The following RYR3 variants were observed in gnomAD, a reference collection of about 807,000 sequenced individuals.
The protein encoded by RYR3 is brain ryanodine receptor-calcium release channel.
Under a neutral mutation model 584.3 loss-of-function variants are expected in RYR3, and 207 were observed. That is an observed-to-expected ratio of 0.35 (90% CI 0.32 to 0.40). The LOEUF (loss-of-function observed/expected upper bound fraction) is 0.40. Ranked by LOEUF, RYR3 falls within the 10% of genes least tolerant of loss-of-function variation. RYR3 has a pLI of 1.00. For missense variants in RYR3, 5,616 were observed against 6,089.2 expected, an observed-to-expected ratio of 0.92 and a Z score of 2.59; for synonymous variants, 2,416 against 2,248.5, an observed-to-expected ratio of 1.07 and a Z score of -2.11.
intron 9 of RYR3, among the ~76,000 whole-genome samples, chr15:33,549,783 A>G (rs148079939): frequency 7.2e-5 from 11 of 152,362 alleles, no homozygotes; most frequent in African/African-American, 2.6e-4. Flanking sequence ...GTTTTAGTTC[A>G]GATGGCAGGT....
chr15:33,833,396 G>A (rs182959653), intron 86 of RYR3, among the ~76,000 whole-genome samples: 1 of 152,284 alleles, frequency 6.6e-6, no homozygotes, highest in African/African-American at 2.4e-5. Context: ...AACTGGCACA[G>A]TCAGATCATA....
chr15:33,807,536 C>A lies in RYR3; in HGVS notation c.10012-19C>A, dbSNP rs969242605. 2.6e-6 allele frequency: 4 copies of A among 1,551,548 alleles called. No homozygotes were observed. The African/African-American group carries it at 5.5e-5, about 21-fold the overall frequency. ...ACTGACTCTTCTCCTTGTTTCTTTT[C>A]TTTTGTCTTTCCACACAGGCCATGC... On this transcript the variant is annotated intron_variant, in intron 69 of 103. Transcript: ENST00000634891.
intron 3 of RYR3, among the ~76,000 whole-genome samples, 152 bp from the exon 4 acceptor site, chr15:33,530,440 G>A (rs1020749557): frequency 5.9e-5 from 9 of 152,164 alleles, no homozygotes; most frequent in Non-Finnish European, 1.0e-4. Flanking sequence ...CTTTCTGCCC[G>A]TAGACCAGCC....
Position 33,813,586 on chromosome 15 carries a change from A to AT in RYR3, c.10502+11dup. 1 of 1,611,476 alleles carries AT rather than the reference A, an allele frequency of 6.2e-7. No homozygotes were observed. The highest frequency in any genetic ancestry group is 8.5e-7 in the Non-Finnish European group (1 of 1,177,702). ...CTCTCTACAACCTGCCCAGGCAAGTATTTTGTCTTTTTTCCTGGCATGTAA... is the reference window on the plus strand; with the variant it reads ...CTCTCTACAACCTGCCCAGGCAAGTATTTTTGTCTTTTTTCCTGGCATGTAA... On this transcript the variant is annotated splice_region_variant and intron_variant, in intron 74 of 103. Coordinates refer to ENST00000634891, the MANE Select transcript of RYR3 (RefSeq NM_001036.6).
chr15:33,528,187 C>T (rs892092822), intron 3 of RYR3, among the ~76,000 whole-genome samples: 6 of 152,126 alleles, frequency 3.9e-5, no homozygotes, highest in African/African-American at 1.4e-4. Context: ...CAAAAATCTA[C>T]TCCAGTATCC....
intron 1 of RYR3, among the ~76,000 whole-genome samples, chr15:33,450,016 A>G (rs980515703): frequency 2.0e-5 from 3 of 149,072 alleles, no homozygotes; most frequent in African/African-American, 7.4e-5. Flanking sequence ...CTAGAGGCAA[A>G]GTATCCATAA....
chr15:33,660,290 C>A lies in RYR3; in HGVS notation c.4489C>A (p.Pro1497Thr), dbSNP rs1320771355. The A allele has an allele frequency of 1.3e-6, 2 of 1,566,448 alleles. No individual in the cohort carries two copies. The highest frequency in any genetic ancestry group is 1.7e-6 in the Non-Finnish European group (2 of 1,155,714). Residue 1497 changes from proline to threonine, a missense_variant, in exon 34 of 104, where the codon CCC becomes ACC. Pro to Thr is a conservative substitution (Grantham distance 38). Transcript: ENST00000634891. Reference protein sequence around the residue: ...PPRLDVQTIQPVLWSRMPNSF... With the variant: ...PPRLDVQTIQTVLWSRMPNSF... ...TCGGCTGGACGTCCAAACCATCCAG[C>A]CCGTGCTCTGGAGCCGCATGCCCAA...
At chr15:33,774,066 CAT>C (rs1368407366) in intron 64 of RYR3, among the ~76,000 whole-genome samples, 2 of 152,198 alleles carry the variant, frequency 1.3e-5, no homozygotes, top group African/African-American at 4.8e-5. Flanking sequence ...TCGGATTTGC[CAT>C]AGTTTTCAAC....
intron 11 of RYR3, among the ~76,000 whole-genome samples, chr15:33,565,238 A>T (rs188155886): frequency 6.6e-6 from 1 of 152,368 alleles, no homozygotes; most frequent in Non-Finnish European, 1.5e-5. Context: ...TTTAAGGACC[A>T]GAAATCTGGG....
At chr15:33,713,595 A>G (rs549263781) in intron 43 of RYR3, among the ~76,000 whole-genome samples, 84 of 152,310 alleles carry the variant, frequency 5.5e-4, no homozygotes, top group Admixed American at 2.0e-3. Context: ...AAACACTTTT[A>G]CATATATTAA....
At position 33,603,299 on chromosome 15, in the gene RYR3, G is replaced by A. The variant is rs930522281; in HGVS notation, c.2099G>A (p.Trp700Ter). ...YAPYPGGGEG[W>*]GGNGVGDDLY... ...CCATACCCAGGAGGTGGAGAAGGAT[G>A]GGGAGGCAATGGTGTTGGTGACGAC... Residue 700 changes from tryptophan to a stop codon, truncating the protein, a stop_gained, in exon 18 of 104, where the codon TGG becomes TAG. Coordinates refer to ENST00000634891, the MANE Select transcript of RYR3 (RefSeq NM_001036.6). LOFTEE classifies it high-confidence loss of function. 1 of 1,613,664 alleles carries A rather than the reference G, an allele frequency of 6.2e-7. No individual in the cohort carries two copies. Among genetic ancestry groups the A allele is most frequent in the African/African-American group, 1.3e-5 (1 of 75,022 alleles).
intron 12 of RYR3, among the ~76,000 whole-genome samples, chr15:33,572,215 T>A (rs2058062086): frequency 6.6e-6 from 1 of 152,192 alleles, no homozygotes; most frequent in South Asian, 2.1e-4. Flanking sequence ...GAAAGATACA[T>A]GTTTTTATAT....
Position 33,820,876 on chromosome 15 carries a change from G to C in RYR3, c.10815+64G>C. 9 of 1,290,992 alleles carry C rather than the reference G, an allele frequency of 7.0e-6. No individual in the cohort carries two copies. The South Asian group carries it at 1.0e-4, about 15-fold the overall frequency. The allele number at this position is 1,290,992 out of a possible 1,614,324, so 80.0% of individuals were successfully genotyped here. ...AAGGCCAATAGGCCAGGCCTTCAGA[G>C]GTGGGTGCTGACATTAGCCTATTGA... On this transcript the variant is annotated intron_variant, in intron 78 of 103. Coordinates refer to ENST00000634891, the MANE Select transcript of RYR3 (RefSeq NM_001036.6).
At chr15:33,541,310 G>A (rs150932809) in intron 7 of RYR3, among the ~76,000 whole-genome samples, 111 of 152,216 alleles carry the variant, frequency 7.3e-4, no homozygotes, top group African/African-American at 2.7e-3. Flanking sequence ...CCATGCAGGC[G>A]AAGCACTTAC....
intron 62 of RYR3, among the ~76,000 whole-genome samples, chr15:33,770,878 A>T (rs2073512524): frequency 6.6e-6 from 1 of 152,368 alleles, no homozygotes; most frequent in South Asian, 2.1e-4. Flanking sequence ...CTGTCCTTGA[A>T]CCAAGTCTTT....
At chr15:33,688,619 G>A (rs2152751738) in intron 38 of RYR3, among the ~76,000 whole-genome samples, 1 of 151,466 alleles carries the variant, frequency 6.6e-6, no homozygotes, top group East Asian at 1.9e-4. Context: ...CAGACACATG[G>A]AAAAGTGTTC....
chr15:33,854,894 A>T lies in RYR3; in HGVS notation c.13989A>T (p.Val4663=), dbSNP rs781710500. ...CACTGAGGACCATTCTGTCATCTGT[A>T]ACTCACAATGGCAAACAGGTATGGT... ...FKTLRTILSS[V]THNGKQLVLT... Residue 4663 remains valine, a synonymous_variant, in exon 98 of 104, where the codon GTA becomes GTT. Coordinates refer to ENST00000634891, the MANE Select transcript of RYR3 (RefSeq NM_001036.6). The T allele has an allele frequency of 1.4e-5, 23 of 1,611,740 alleles. No individual in the cohort carries two copies. The highest frequency in any genetic ancestry group is 1.8e-5 in the Non-Finnish European group (21 of 1,179,222).
rs2078090517 is a variant in RYR3 at position 33,836,921 on chromosome 15, G to A, written c.11584G>A (p.Glu3862Lys). The A allele has an allele frequency of 3.1e-6, 5 of 1,613,402 alleles. No homozygotes were observed. The highest frequency in any genetic ancestry group is 3.4e-6 in the Non-Finnish European group (4 of 1,179,716). Residue 3862 changes from glutamate (E) to lysine (K), a missense_variant, in exon 88 of 104, where the codon GAG (glutamate) becomes AAG (lysine). Transcript: ENST00000634891. ...TCTGTTCTAGGATTCCAGTCAGATCGAGCTGCTGAAGGAACTCTTGGATCT... is the reference window on the plus strand; with the variant it reads ...TCTGTTCTAGGATTCCAGTCAGATCAAGCTGCTGAAGGAACTCTTGGATCT... The part of the protein sequence containing the change: ...MKLSQDSSQI[E>K]LLKELLDLLQ...
At chr15:33,347,170 C>T (rs991801263) in intron 1 of RYR3, among the ~76,000 whole-genome samples, 4 of 152,108 alleles carry the variant, frequency 2.6e-5, no homozygotes, top group African/African-American at 9.7e-5. Flanking sequence ...AAAGTTACCC[C>T]CATAATGTCC....
Sources: gnomAD v4.1 joint callset for allele counts (sites outside exome capture counted in the v4.1 genomes callset) on GRCh38, gnomAD v4.1.1 for gene constraint, MANE v1.5 for transcripts, NCBI Gene and HGNC (gene_info 2026-07-23, HGNC 2026-07-21) for gene names.